The following LIMCH1 variants were observed in gnomAD, a reference collection of about 807,000 sequenced individuals.
The protein encoded by LIMCH1 is LIM and calponin homology domains 1, also known as LIM and calponin homology domains-containing protein 1.
A neutral mutation model predicts 176.5 loss-of-function variants in LIMCH1; 113 were observed. The ratio of observed to expected loss-of-function variants is 0.64; its 90% CI spans 0.55 to 0.75. The LOEUF (loss-of-function observed/expected upper bound fraction) is 0.75, where lower values mean the gene tolerates loss of function less well. Ranked by LOEUF, LIMCH1 falls within the 30% of genes least tolerant of loss-of-function variation. The probability of loss-of-function intolerance (pLI) is 0.00; values close to 1 mark genes in which losing one functional copy is unlikely to be tolerated. For synonymous variants in LIMCH1, 619 were observed against 645.9 expected (o/e 0.96, Z 0.63); for missense variants, 1,674 against 1,814.9 (o/e 0.92, Z 1.41).
At chr4:41,430,412 T>TA (rs2061495427) in intron 1 of LIMCH1, among the ~76,000 whole-genome samples, 1 of 152,064 alleles carries the variant, frequency 6.6e-6, no homozygotes, top group Non-Finnish European at 1.5e-5. Flanking sequence ...TACAGGCACG[T>TA]GCCACTACGC....
At chr4:41,509,105 G>A (rs1334404873) in intron 2 of LIMCH1, among the ~76,000 whole-genome samples, 1 of 152,104 alleles carries the variant, frequency 6.6e-6, no homozygotes, top group Non-Finnish European at 1.5e-5. Flanking sequence ...GCGAAAGGGG[G>A]TATTAACCAG....
chr4:41,446,960 C>G (rs764330656), intron 1 of LIMCH1, among the ~76,000 whole-genome samples: 1 of 152,146 alleles, frequency 6.6e-6, no homozygotes, highest in Non-Finnish European at 1.5e-5. Context: ...TGTGGTGGCT[C>G]ATGCCTGTCT....
chr4:41,646,100 T>G (rs2094042416), intron 15 of LIMCH1, 23 bp from the exon 16 acceptor site: 1 of 1,592,316 alleles, frequency 6.3e-7, no homozygotes, highest in African/African-American at 1.4e-5. Context: ...AAGAAGAATA[T>G]TATATCTTTC....
intron 1 of LIMCH1, among the ~76,000 whole-genome samples, chr4:41,440,539 A>G (rs2062586920): frequency 6.6e-6 from 1 of 151,904 alleles, no homozygotes; most frequent in East Asian, 1.9e-4. Flanking sequence ...TTATTTATTT[A>G]TTTCTTTGTT....
intron 14 of LIMCH1, among the ~76,000 whole-genome samples, chr4:41,640,128 C>A (rs2093759210): frequency 6.6e-6 from 1 of 152,216 alleles, no homozygotes; most frequent in African/African-American, 2.4e-5. Context: ...ATAAAGAACA[C>A]TCATGCCTCA....
At chr4:41,670,905 T>G in intron 21 of LIMCH1, 5 of 1,460,412 alleles carry the variant, frequency 3.4e-6, no homozygotes, top group Non-Finnish European at 4.5e-6. Context: ...AAATTATTTC[T>G]TATGCACAGT....
At chr4:41,605,364 A>C (rs2090553493) in intron 3 of LIMCH1, among the ~76,000 whole-genome samples, 1 of 152,150 alleles carries the variant, frequency 6.6e-6, no homozygotes, top group African/African-American at 2.4e-5. Flanking sequence ...TTAATTAGAT[A>C]TATTATGTTG....
At chr4:41,627,833 T>C (rs759036038) in intron 8 of LIMCH1, among the ~76,000 whole-genome samples, 1 of 152,236 alleles carries the variant, frequency 6.6e-6, no homozygotes, top group Non-Finnish European at 1.5e-5. Flanking sequence ...ATCTACATTA[T>C]TGAATTGTCA....
chr4:41,597,633 G>A (rs1406941072), intron 1 of LIMCH1, among the ~76,000 whole-genome samples: 2 of 152,154 alleles, frequency 1.3e-5, no homozygotes, highest in East Asian at 3.8e-4. Context: ...CCAAGCTCAT[G>A]TGGTTGTTAA....
At chr4:41,582,797 A>G (rs933205109) in intron 1 of LIMCH1, among the ~76,000 whole-genome samples, 10 of 152,194 alleles carry the variant, frequency 6.6e-5, no homozygotes, top group African/African-American at 2.4e-4. Flanking sequence ...TGATATTTAT[A>G]ATTATCATTA....
chr4:41,458,804 G>A (rs2064949729), intron 1 of LIMCH1, among the ~76,000 whole-genome samples: 1 of 148,838 alleles, frequency 6.7e-6, no homozygotes, highest in Non-Finnish European at 1.5e-5. Flanking sequence ...AATAGATTGT[G>A]AGTCCTTTCT....
At chr4:41,611,570 G>A (rs1296606969) in intron 4 of LIMCH1, among the ~76,000 whole-genome samples, 1 of 152,196 alleles carries the variant, frequency 6.6e-6, no homozygotes, top group African/African-American at 2.4e-5. Context: ...ACAGAGTCCT[G>A]TGTTAGAATC....
intron 4 of LIMCH1, among the ~76,000 whole-genome samples, 185 bp downstream of exon 4, chr4:41,606,189 G>A (rs2090686655): frequency 6.6e-6 from 1 of 152,180 alleles, no homozygotes; most frequent in Non-Finnish European, 1.5e-5. Context: ...ACACCTACCT[G>A]CACTTTCATA....
intron 2 of LIMCH1, among the ~76,000 whole-genome samples, chr4:41,522,115 AGTCT>A (rs549741351): frequency 1.9e-3 from 282 of 152,284 alleles, no homozygotes; most frequent in Non-Finnish European, 3.4e-3. Context: ...CTCAGATCTC[AGTCT>A]GTCTGGTAGC....
intron 21 of LIMCH1, among the ~76,000 whole-genome samples, chr4:41,668,005 A>T (rs1024474080): frequency 6.6e-5 from 10 of 152,060 alleles, no homozygotes; most frequent in Middle Eastern, 3.4e-3. Context: ...AACATTTTTT[A>T]AAAAAAGAAA....
chr4:41,443,173 CATATTGG>C, intron 1 of LIMCH1, among the ~76,000 whole-genome samples: 1 of 127,710 alleles, frequency 7.8e-6, no homozygotes, highest in African/African-American at 3.0e-5. Flanking sequence ...AAAAAAAAAT[CATATTGG>C]ATGTTTTTTT....
chr4:41,576,644 A>T (rs1309709434), intron 1 of LIMCH1, among the ~76,000 whole-genome samples: 1 of 152,160 alleles, frequency 6.6e-6, no homozygotes, highest in Non-Finnish European at 1.5e-5. Context: ...GTCTTTGTTT[A>T]TGTCTGTTCT....
intron 7 of LIMCH1, 109 bp from the exon 8 acceptor site, chr4:41,626,599 C>A: frequency 2.3e-6 from 2 of 872,028 alleles, no homozygotes; most frequent in Non-Finnish European, 3.5e-6. Context: ...TTTGAACTAA[C>A]AATATCGAGA....
At chr4:41,566,184 A>G (rs1561772382) in intron 1 of LIMCH1, among the ~76,000 whole-genome samples, 1 of 152,126 alleles carries the variant, frequency 6.6e-6, no homozygotes, top group Non-Finnish European at 1.5e-5. Context: ...CACATCATCT[A>G]TGAGGACTGG....
Sources: allele counts gnomAD v4.1 joint callset (sites outside exome capture counted in the v4.1 genomes callset), GRCh38; gene constraint gnomAD v4.1.1; transcripts MANE v1.5; gene names NCBI Gene and HGNC (gene_info 2026-07-23, HGNC 2026-07-21).